Variants in SAMD12 observed in about 807,000 individuals in gnomAD.
SAMD12 encodes sterile alpha motif domain containing 12.
In SAMD12, 9 loss-of-function variants were observed where a neutral mutation model predicts 15.0. The ratio of observed to expected loss-of-function variants is 0.60; its 90% CI spans 0.36 to 1.05. SAMD12 has a LOEUF of 1.05. SAMD12 is among the 50% of genes least tolerant of loss of function. The pLI, the probability that SAMD12 is intolerant of heterozygous loss-of-function variation, is 0.01. For synonymous variants in SAMD12, 86 were observed against 90.1 expected (o/e 0.96, Z 0.25); for missense variants, 230 against 234.2 (o/e 0.98, Z 0.12).
chr8:118,369,358 C>A (rs1818962172), intron 4 of SAMD12, among the ~76,000 whole-genome samples: 1 of 152,094 alleles, frequency 6.6e-6, no homozygotes, highest in Admixed American at 6.6e-5. Flanking sequence ...TAGCCATATG[C>A]AGAAAATTGA....
intron 2 of SAMD12, among the ~76,000 whole-genome samples, chr8:118,490,462 GT>G (rs1824411773): frequency 6.6e-6 from 1 of 152,174 alleles, no homozygotes; most frequent in Admixed American, 6.5e-5. Context: ...TGTGAATAAA[GT>G]TTTTGTGTTC....
rs560436044 is a variant in SAMD12, at chr8:118,439,233, A to G, written c.322+599T>C. ...CGTTATCTGTGCCTTGAAACTATTC[A>G]TCCCAAGGGCAGAGAGTTAGTATTA... On this transcript the variant is annotated intron_variant, in intron 3 of 3. Coordinates refer to ENST00000314727, the MANE Select transcript of SAMD12 (RefSeq NM_207506.3). Among the ~76,000 whole-genome samples, 21 of 152,316 alleles carry G rather than the reference A, an allele frequency of 1.4e-4. 1 individual carries two copies. Among genetic ancestry groups the G allele is most frequent in the Non-Finnish European group, 2.6e-4 (18 of 68,018 alleles).
rs554381953 is a variant in SAMD12, at chr8:118,545,044, A to T, written c.192+35671T>A. 8.5e-5 allele frequency among the ~76,000 whole-genome samples: 13 copies of T among 152,348 alleles called. No homozygotes were observed. The East Asian group carries it at 2.5e-3, about 29-fold the overall frequency. ...AGAACCCTCTAGGGCAACTGATAAA[A>T]TGCCAGTGCCCAGGCCTCAGTCAAA... On this transcript the variant is annotated intron_variant, in intron 2 of 3. Coordinates refer to ENST00000314727, the MANE Select transcript of SAMD12 (RefSeq NM_207506.3).
exon 5 of SAMD12, chr8:118,192,834 A>ACAT: frequency 6.6e-6 from 1 of 152,326 alleles, no homozygotes. Flanking sequence ...TACATTAAGT[A>ACAT]TATGCTGTTG....
intron 2 of SAMD12, among the ~76,000 whole-genome samples, chr8:118,479,571 A>G (rs1824064169): frequency 6.6e-6 from 1 of 152,190 alleles, no homozygotes; most frequent in Non-Finnish European, 1.5e-5. Context: ...ACACTTGGGA[A>G]TTATGGGAGT....
intron 2 of SAMD12, among the ~76,000 whole-genome samples, chr8:118,440,695 C>A (rs865884393): frequency 6.0e-5 from 8 of 133,562 alleles, no homozygotes; most frequent in African/African-American, 1.3e-4. Flanking sequence ...CACACACACA[C>A]AAACACACAC....
At chr8:118,209,885 C>G (rs540428522) in intron 4 of SAMD12, among the ~76,000 whole-genome samples, 6 of 152,142 alleles carry the variant, frequency 3.9e-5, no homozygotes, top group Non-Finnish European at 7.3e-5. Flanking sequence ...TGGCCAATAC[C>G]CTGGAGAGCC....
intron 4 of SAMD12, among the ~76,000 whole-genome samples, chr8:118,241,770 A>C (rs1046733484): frequency 6.6e-5 from 10 of 152,178 alleles, no homozygotes; most frequent in African/African-American, 2.4e-4. Flanking sequence ...GTATCAACAA[A>C]GTACTCTAAA....
intron 4 of SAMD12, among the ~76,000 whole-genome samples, chr8:118,290,465 C>T (rs1039317202): frequency 6.6e-6 from 1 of 152,322 alleles, no homozygotes; most frequent in African/African-American, 2.4e-5. Flanking sequence ...ACTGGTTGCC[C>T]TCAAAGGTAG....
chr8:118,422,834 A>T (rs1460987640), intron 3 of SAMD12, among the ~76,000 whole-genome samples: 1 of 152,126 alleles, frequency 6.6e-6, no homozygotes, highest in Non-Finnish European at 1.5e-5. Context: ...TGAAATGCAA[A>T]AGTGGAGGGA....
At chr8:118,340,184 T>C (rs375237987) in intron 4 of SAMD12, among the ~76,000 whole-genome samples, 23 of 152,278 alleles carry the variant, frequency 1.5e-4, no homozygotes, top group African/African-American at 5.3e-4. Context: ...CGTTAAAAGA[T>C]ACACAAATAT....
At chr8:118,180,051 C>T in the SAMD12 span, among the ~76,000 whole-genome samples, 2 of 152,220 alleles carry the variant, frequency 1.3e-5, no homozygotes, top group African/African-American at 2.4e-5. Context: ...AGCTGGTGCT[C>T]CCTCGGCCGG....
chr8:118,388,517 C>A (rs1820085073), intron 3 of SAMD12, among the ~76,000 whole-genome samples: 1 of 152,008 alleles, frequency 6.6e-6, no homozygotes. Flanking sequence ...ATATAATTTT[C>A]TTGCTTATTA....
the SAMD12 span, among the ~76,000 whole-genome samples, chr8:118,148,218 G>T: frequency 6.6e-6 from 1 of 151,898 alleles, no homozygotes; most frequent in African/African-American, 2.4e-5. Context: ...CTCATGCTGG[G>T]ATTACAGGCA....
At chr8:118,572,116 G>C (rs1827027816) in intron 2 of SAMD12, among the ~76,000 whole-genome samples, 1 of 152,218 alleles carries the variant, frequency 6.6e-6, no homozygotes, top group Admixed American at 6.5e-5. Context: ...GTGAGATATG[G>C]AGTCAAAGGA....
the SAMD12 span, among the ~76,000 whole-genome samples, chr8:118,149,579 T>G: frequency 6.6e-6 from 1 of 152,142 alleles, no homozygotes; most frequent in Non-Finnish European, 1.5e-5. Flanking sequence ...TTTTTAATTT[T>G]GATGAAAAAT....
the SAMD12 span, among the ~76,000 whole-genome samples, chr8:118,136,483 A>C: frequency 6.6e-6 from 1 of 152,094 alleles, no homozygotes; most frequent in Non-Finnish European, 1.5e-5. Context: ...GTAAATCCAG[A>C]TGCTCACCAC....
intron 4 of SAMD12, among the ~76,000 whole-genome samples, chr8:118,333,091 C>T (rs139827354): frequency 6.6e-6 from 1 of 152,132 alleles, no homozygotes; most frequent in Non-Finnish European, 1.5e-5. Context: ...ACACAGTTAT[C>T]GCAGGGAAGG....
intron 2 of SAMD12, among the ~76,000 whole-genome samples, chr8:118,569,441 CA>C (rs544410106): frequency 1.3e-5 from 2 of 152,096 alleles, no homozygotes; most frequent in South Asian, 4.1e-4. Flanking sequence ...ATCCCAAATC[CA>C]AAACATGTCT....
Sources: gnomAD v4.1 joint callset for allele counts (sites outside exome capture counted in the v4.1 genomes callset) on GRCh38, gnomAD v4.1.1 for gene constraint, MANE v1.5 for transcripts, NCBI Gene and HGNC (gene_info 2026-07-23, HGNC 2026-07-21) for gene names.